The following TTC39C variants were observed in gnomAD, a reference collection of about 807,000 sequenced individuals.
The protein encoded by TTC39C is tetratricopeptide repeat protein 39C.
TTC39C carries 33 observed loss-of-function variants against 76.3 expected under a neutral mutation model. That is an observed-to-expected ratio of 0.43 (90% CI 0.33 to 0.58). The LOEUF (loss-of-function observed/expected upper bound fraction) is 0.58, where lower values mean the gene tolerates loss of function less well. TTC39C is among the 20% of genes least tolerant of loss of function. TTC39C has a pLI of 0.04. For synonymous variants in TTC39C, 254 were observed against 260.6 expected (o/e 0.97, Z 0.24); for missense variants, 595 against 701.4 (o/e 0.85, Z 1.71).
At chr18:24,118,102 T>G (rs375566152) in intron 7 of TTC39C, 23 bp from the exon 8 acceptor site, 118 of 1,600,094 alleles carry the variant, frequency 7.4e-5, no homozygotes, top group Non-Finnish European at 9.9e-5. Context: ...TAGGGTCATG[T>G]GCTAAAAATA....
chr18:24,122,150 C>G (rs1371702205), intron 8 of TTC39C, among the ~76,000 whole-genome samples: 1 of 152,082 alleles, frequency 6.6e-6, no homozygotes, highest in East Asian at 1.9e-4. Context: ...ACGTGCACGC[C>G]TGGGATAGGT....
At chr18:24,095,509 GC>G (rs1331650313) in intron 6 of TTC39C, among the ~76,000 whole-genome samples, 2 of 152,062 alleles carry the variant, frequency 1.3e-5, no homozygotes, top group African/African-American at 4.8e-5. Flanking sequence ...GACCAACCTG[GC>G]TAACATGGTG....
At chr18:24,111,353 G>A (rs978314349) in intron 6 of TTC39C, among the ~76,000 whole-genome samples, 14 of 151,990 alleles carry the variant, frequency 9.2e-5, no homozygotes, top group Non-Finnish European at 1.6e-4. Flanking sequence ...GGTGGCTCAC[G>A]AGGTCAGGAG....
At chr18:24,035,555 G>C (rs2083721135) in intron 1 of TTC39C, among the ~76,000 whole-genome samples, 1 of 152,242 alleles carries the variant, frequency 6.6e-6, no homozygotes, top group East Asian at 1.9e-4. Context: ...TCATGCGCTT[G>C]TTGGTCATTT....
At chr18:24,107,035 G>A (rs957392784) in intron 6 of TTC39C, among the ~76,000 whole-genome samples, 3 of 152,038 alleles carry the variant, frequency 2.0e-5, no homozygotes, top group East Asian at 1.9e-4. Flanking sequence ...AAAAGAACTC[G>A]GCCTTGTTTC....
chr18:24,028,314 G>A (rs1206743293), intron 1 of TTC39C, among the ~76,000 whole-genome samples: 1 of 152,202 alleles, frequency 6.6e-6, no homozygotes, highest in Non-Finnish European at 1.5e-5. Flanking sequence ...ATACTTGAGT[G>A]TTTTTCTGTA....
rs146357922 is a variant in TTC39C at position 24,082,916 on chromosome 18, A to G, written c.819A>G (p.Leu273=). Residue 273 remains leucine, a synonymous_variant, in exon 6 of 14, where the codon TTA becomes TTG. Transcript: ENST00000317571. Reference sequence around the variant, plus strand: ...GTTTCTCTCCCTCTTCCTCTAGATTAGCTCTGCTCTGGTATCATACTGTAG... The same window carrying G: ...GTTTCTCTCCCTCTTCCTCTAGATTGGCTCTGCTCTGGTATCATACTGTAG... ...SKDMKAPLAT[L]ALLWYHTVVR... is the part of the protein sequence containing the mutation. 7 of 1,593,752 alleles carry G rather than the reference A, an allele frequency of 4.4e-6. No individual in the cohort carries two copies. The highest frequency in any genetic ancestry group is 6.0e-6 in the Non-Finnish European group (7 of 1,169,030).
upstream of TTC39C, among the ~76,000 whole-genome samples, chr18:24,014,233 G>C (rs903482426): frequency 2.6e-5 from 4 of 151,866 alleles, no homozygotes; most frequent in African/African-American, 9.7e-5. Flanking sequence ...TGGGGTTTCA[G>C]TTACTCGTGG....
intron 1 of TTC39C, among the ~76,000 whole-genome samples, chr18:24,045,686 T>C (rs1229438902): frequency 6.6e-6 from 1 of 151,780 alleles, no homozygotes; most frequent in Non-Finnish European, 1.5e-5. Flanking sequence ...TAGATGAAAT[T>C]TAATTATATA....
intron 1 of TTC39C, among the ~76,000 whole-genome samples, chr18:24,060,866 C>T (rs1350407489): frequency 6.6e-6 from 1 of 152,102 alleles, no homozygotes; most frequent in Non-Finnish European, 1.5e-5. Flanking sequence ...ATTTTGGGGT[C>T]AGTTTTTAAG....
At chr18:24,067,376 C>T (rs1323569920) in intron 3 of TTC39C, among the ~76,000 whole-genome samples, 1 of 152,194 alleles carries the variant, frequency 6.6e-6, no homozygotes, top group Non-Finnish European at 1.5e-5. Flanking sequence ...ATTTCTGCCT[C>T]CAGTCTCACG....
chr18:24,095,289 T>C (rs555391585), intron 6 of TTC39C, among the ~76,000 whole-genome samples: 1 of 152,404 alleles, frequency 6.6e-6, no homozygotes, highest in South Asian at 2.1e-4. Flanking sequence ...TAAAGGAATG[T>C]TGTGGCTGGT....
At chr18:24,069,719 G>C (rs144918173) in intron 4 of TTC39C, among the ~76,000 whole-genome samples, 123 of 152,250 alleles carry the variant, frequency 8.1e-4, no homozygotes, top group African/African-American at 2.8e-3. Context: ...TAATATACTG[G>C]AATGACCTGC....
At chr18:24,009,240 C>G (rs1292996092) in intron 1 of TTC39C, among the ~76,000 whole-genome samples, 2 of 152,002 alleles carry the variant, frequency 1.3e-5, no homozygotes, top group African/African-American at 4.8e-5. Context: ...ATTTTTTTTG[C>G]TGTTAAACAA....
intron 6 of TTC39C, among the ~76,000 whole-genome samples, chr18:24,091,392 A>G (rs764595093): frequency 3.3e-5 from 5 of 152,222 alleles, no homozygotes; most frequent in Non-Finnish European, 5.9e-5. Context: ...CAGTAATCAG[A>G]GATCATGCCA....
In TTC39C at chr18:24,125,414, T is replaced by G; in HGVS notation, c.1297-13T>G. 6.2e-7 allele frequency: 1 copy of G among 1,614,150 alleles called. No homozygotes were observed. Among genetic ancestry groups the G allele is most frequent in the East Asian group, 2.2e-5 (1 of 44,882 alleles). On this transcript the variant is annotated splice_polypyrimidine_tract_variant and intron_variant, in intron 9 of 13. Coordinates refer to ENST00000317571, the MANE Select transcript of TTC39C (RefSeq NM_001135993.2). ...TTTGAAAAATGTAGCCTGTTTATTC[T>G]GACTCCTTGCAGGCAGAGCGATTTC...
At chr18:24,008,542 G>A (rs2083371093) in intron 1 of TTC39C, among the ~76,000 whole-genome samples, 1 of 152,180 alleles carries the variant, frequency 6.6e-6, no homozygotes, top group Admixed American at 6.5e-5. Context: ...GATAACAATG[G>A]GGAATCCAGA....
intron 6 of TTC39C, among the ~76,000 whole-genome samples, chr18:24,088,645 T>C (rs2084476954): frequency 6.6e-6 from 1 of 152,214 alleles, no homozygotes; most frequent in Non-Finnish European, 1.5e-5. Flanking sequence ...TGTTGTGTCC[T>C]CCCCTTCCCT....
At chr18:24,093,440 C>T (rs543617903) in intron 6 of TTC39C, among the ~76,000 whole-genome samples, 14 of 149,680 alleles carry the variant, frequency 9.4e-5, no homozygotes, top group Middle Eastern at 3.4e-3. Flanking sequence ...GATCGTGCCA[C>T]TGCACTCCAG....
Sources: allele counts gnomAD v4.1 joint callset (sites outside exome capture counted in the v4.1 genomes callset), GRCh38; gene constraint gnomAD v4.1.1; transcripts MANE v1.5; gene names NCBI Gene and HGNC (gene_info 2026-07-23, HGNC 2026-07-21).